The following KCNQ2 variants were observed in gnomAD, a reference collection of about 807,000 sequenced individuals.
KCNQ2 encodes potassium voltage-gated channel subfamily Q member 2, also known as potassium voltage-gated channel subfamily KQT member 2.
In KCNQ2, 14 loss-of-function variants were observed where a neutral mutation model predicts 84.8. The observed-to-expected ratio is 0.17, with a 90% confidence interval of 0.11 to 0.26. The LOEUF (loss-of-function observed/expected upper bound fraction) is 0.26. KCNQ2 is among the 10% of genes least tolerant of loss of function. The pLI, the probability that KCNQ2 is intolerant of heterozygous loss-of-function variation, is 1.00. For synonymous variants in KCNQ2, 599 were observed against 554.1 expected (o/e 1.08, Z -1.14); for missense variants, 788 against 1,254.0 (o/e 0.63, Z 5.61).
chr20:63,445,447 T>C, intron 2 of KCNQ2, 83 bp from the exon 3 acceptor site: 2 of 1,535,092 alleles, frequency 1.3e-6, no homozygotes, highest in Non-Finnish European at 1.8e-6. Flanking sequence ...GGAGCAGTTC[T>C]GGCCCAGGGA....
In KCNQ2 at chr20:63,460,939, A is replaced by T. The variant is rs1010338367; in HGVS notation, c.296+11229T>A. On this transcript the variant is annotated intron_variant, in intron 1 of 16. Coordinates refer to ENST00000359125, the MANE Select transcript of KCNQ2 (RefSeq NM_172107.4). This position sits in a 1 kb window ranked among gnomAD's most constrained non-coding sequence, Gnocchi z 5.4. ...ACAAGCCAACTACCTGGCACGCGAG[A>T]CTCATCTTGCCCATGAGAAGTGTGG... 3.3e-5 allele frequency: 5 copies of T among 152,188 alleles called. No individual in the cohort carries two copies. The highest frequency in any genetic ancestry group is 1.9e-4 in the East Asian group (1 of 5,188). 9.4% of individuals were successfully genotyped at this position (152,188 alleles called of 1,614,324 possible).
chr20:63,424,283 C>G, intron 10 of KCNQ2, 77 bp from the exon 11 acceptor site: 1 of 1,503,108 alleles, frequency 6.7e-7, no homozygotes, highest in Non-Finnish European at 9.1e-7. Flanking sequence ...TCCAGCCCCC[C>G]ACAGTCCCAT....
At chr20:63,462,039 T>G (rs2145872171) in intron 1 of KCNQ2, among the ~76,000 whole-genome samples, 2 of 117,226 alleles carry the variant, frequency 1.7e-5, no homozygotes, top group African/African-American at 3.4e-5. Flanking sequence ...GGGAGGAGGC[T>G]GCATCTACCC....
chr20:63,407,061 C>A lies in KCNQ2; in HGVS notation c.2202G>T (p.Gly734=). The A allele has an allele frequency of 6.6e-7, 1 of 1,521,888 alleles. No homozygotes were observed. The highest frequency in any genetic ancestry group is 8.8e-7 in the Non-Finnish European group (1 of 1,137,002). The allele number at this position is 1,521,888 out of a possible 1,614,324, so 94.3% of individuals were successfully genotyped here. A position where few individuals can be genotyped will look rare whatever the true frequency, so the allele number is the denominator to read the frequency against. Reference sequence around the variant, plus strand: ...GGATGCGCACCAGGGAGCCGTGGTCCCCCACGGGGGAGGTGCCGTGGCCCT... The same window carrying A: ...GGATGCGCACCAGGGAGCCGTGGTCACCCACGGGGGAGGTGCCGTGGCCCT... ...PRQGHGTSPV[G]DHGSLVRIPP... The change falls in exon 17 of 17, where the codon GGG becomes GGT. Residue 734 remains glycine, a synonymous_variant. Coordinates refer to ENST00000359125, the MANE Select transcript of KCNQ2 (RefSeq NM_172107.4). The surrounding 1 kb of genome is among the most constrained non-coding windows in gnomAD (Gnocchi z 7.2).
At position 63,428,411 on chromosome 20, in the gene KCNQ2, C is replaced by T. The variant is rs1418456326; in HGVS notation, c.1173G>A (p.Leu391=). 9 of 1,589,652 alleles carry T rather than the reference C, an allele frequency of 5.7e-6. No individual in the cohort carries two copies. Among genetic ancestry groups the T allele is most frequent in the Non-Finnish European group, 7.7e-6 (9 of 1,168,600 alleles). Reference sequence around the variant, plus strand: ...TACTCTTGAGGTTCCTCAGCAGCTCCAGCTGGTTCAGCGGGGGGATAAGTC... The same window carrying T: ...TACTCTTGAGGTTCCTCAGCAGCTCTAGCTGGTTCAGCGGGGGGATAAGTC... ...ASRLIPPLNQ[L]ELLRNLKSKS... Residue 391 remains leucine, a synonymous_variant, in exon 10 of 17, where the codon CTG becomes CTA. Coordinates refer to ENST00000359125, the MANE Select transcript of KCNQ2 (RefSeq NM_172107.4).
At chr20:63,417,979 C>T (rs1208596140) in intron 12 of KCNQ2, among the ~76,000 whole-genome samples, 2 of 152,174 alleles carry the variant, frequency 1.3e-5, no homozygotes, top group Non-Finnish European at 2.9e-5. Flanking sequence ...CCGCTCCCAC[C>T]TCAGATCTGC....
chr20:63,427,452 C>T (rs2080666339), intron 10 of KCNQ2, among the ~76,000 whole-genome samples: 1 of 152,248 alleles, frequency 6.6e-6, no homozygotes, highest in South Asian at 2.1e-4. Flanking sequence ...TGCAACGGCT[C>T]CTGTAACTAA....
intron 5 of KCNQ2, among the ~76,000 whole-genome samples, chr20:63,441,396 G>C (rs571399535): frequency 1.3e-5 from 2 of 152,136 alleles, no homozygotes; most frequent in Admixed American, 1.3e-4. Flanking sequence ...CCGCTGCAGA[G>C]GGACCCAGAG....
chr20:63,423,891 C>A (rs1239037567), intron 11 of KCNQ2: 1 of 527,898 alleles, frequency 1.9e-6, no homozygotes, highest in Non-Finnish European at 3.4e-6. Flanking sequence ...TGGGGCCAGA[C>A]TTGTGGGCGG....
chr20:63,427,229 T>C (rs2080660438), intron 10 of KCNQ2, among the ~76,000 whole-genome samples: 1 of 152,100 alleles, frequency 6.6e-6, no homozygotes, highest in Non-Finnish European at 1.5e-5. Context: ...CTCAAAATAA[T>C]AATAATAAAT....
Position 63,407,087 on chromosome 20 carries a change from G to A in KCNQ2, c.2176C>T (p.Gln726Ter). The A allele has an allele frequency of 6.5e-7, 1 of 1,533,294 alleles. No homozygotes were observed. Among genetic ancestry groups the A allele is most frequent in the Non-Finnish European group, 8.8e-7 (1 of 1,141,682 alleles). The allele number at this position is 1,533,294 out of a possible 1,614,324, so 95.0% of individuals were successfully genotyped here. A position where few individuals can be genotyped will look rare whatever the true frequency, so the allele number is the denominator to read the frequency against. Residue 726 changes from glutamine to a stop codon, truncating the protein, a stop_gained, in exon 17 of 17, where the codon CAG (glutamine) becomes TAG (stop). Transcript: ENST00000359125. LOFTEE classifies it high-confidence loss of function. The surrounding 1 kb of genome is among the most constrained non-coding windows in gnomAD (Gnocchi z 7.2). ...TSWQPQSHPRQGHGTSPVGDH... is the reference protein window; with the variant it reads ...TSWQPQSHPR ...CCCACGGGGGAGGTGCCGTGGCCCT[G>A]GCGCGGGTGGCTCTGTGGCTGCCAG...
chr20:63,461,994 C>T, intron 1 of KCNQ2, among the ~76,000 whole-genome samples: 1 of 113,044 alleles, frequency 8.8e-6, no homozygotes, highest in Non-Finnish European at 1.8e-5. Flanking sequence ...CTACCCCAGG[C>T]AGCAGGGAGG....
At chr20:63,458,321 A>C (rs1249507269) in intron 1 of KCNQ2, among the ~76,000 whole-genome samples, 4 of 151,786 alleles carry the variant, frequency 2.6e-5, no homozygotes, top group Admixed American at 6.6e-5. Context: ...GATAGACCCC[A>C]CCCTGGCCTG....
chr20:63,440,829 G>A (rs1472067051), intron 5 of KCNQ2, among the ~76,000 whole-genome samples: 1 of 152,080 alleles, frequency 6.6e-6, no homozygotes, highest in Admixed American at 6.5e-5. Context: ...GCGCACAGGA[G>A]ACTCTGGGAA....
chr20:63,458,216 G>A (rs1343505725), intron 1 of KCNQ2, among the ~76,000 whole-genome samples: 1 of 152,112 alleles, frequency 6.6e-6, no homozygotes, highest in African/African-American at 2.4e-5. Context: ...TGAGCCCGCA[G>A]AGAAGCGCCC....
Position 63,405,662 on chromosome 20 carries a change from C to T in KCNQ2, c.*982G>A. The T allele has an allele frequency of 6.6e-6, 1 of 152,428 alleles. No homozygotes were observed. Among genetic ancestry groups the T allele is most frequent in the South Asian group, 2.1e-4 (1 of 4,840 alleles). 9.4% of individuals were successfully genotyped at this position (152,428 alleles called of 1,614,324 possible). Reference sequence around the variant, plus strand: ...GGACACAGGCGAGGTGGGGCCCTGGCTAAGAACTGTGAGGCCTGCTCACCA... The same window carrying T: ...GGACACAGGCGAGGTGGGGCCCTGGTTAAGAACTGTGAGGCCTGCTCACCA... On this transcript the variant is annotated 3_prime_UTR_variant, in exon 17 of 17. Coordinates refer to ENST00000359125, the MANE Select transcript of KCNQ2 (RefSeq NM_172107.4).
At chr20:63,431,957 C>A (rs1367690947) in intron 8 of KCNQ2, among the ~76,000 whole-genome samples, 2 of 150,328 alleles carry the variant, frequency 1.3e-5, no homozygotes, top group Admixed American at 1.3e-4. Context: ...GGGTAGGATC[C>A]ACCCACAGGG....
At chr20:63,434,119 G>A (rs2080916238) in intron 7 of KCNQ2, 4 of 562,498 alleles carry the variant, frequency 7.1e-6, no homozygotes, top group Non-Finnish European at 1.3e-5. Flanking sequence ...TTGTCAGACG[G>A]TGGGGCCTGA....
chr20:63,439,337 G>T (rs529381952), intron 6 of KCNQ2, among the ~76,000 whole-genome samples: 1 of 152,340 alleles, frequency 6.6e-6, no homozygotes, highest in Non-Finnish European at 1.5e-5. Context: ...GGGGCCACCA[G>T]TGACTAACAG....
Sources: gnomAD v4.1 joint callset for allele counts (sites outside exome capture counted in the v4.1 genomes callset) on GRCh38, gnomAD v4.1.1 for gene constraint, Gnocchi (gnomAD v3.1) non-coding constraint, MANE v1.5 for transcripts, NCBI Gene and HGNC (gene_info 2026-07-23, HGNC 2026-07-21) for gene names.